The following EFNA5 variants were observed in gnomAD, a reference collection of about 807,000 sequenced individuals.
EFNA5 encodes the protein ephrin-A5.
A neutral mutation model predicts 22.9 loss-of-function variants in EFNA5; 5 were observed. The observed-to-expected ratio is 0.22, with a 90% confidence interval of 0.11 to 0.46. EFNA5 has a LOEUF of 0.46. EFNA5 is among the 20% of genes least tolerant of loss of function. The probability of loss-of-function intolerance (pLI) is 0.99; values close to 1 mark genes in which losing one functional copy is unlikely to be tolerated. For synonymous variants in EFNA5, 113 were observed against 112.2 expected (o/e 1.01, Z -0.04); for missense variants, 237 against 293.3 (o/e 0.81, Z 1.40).
chr5:107,484,735 T>G (rs537898637), intron 1 of EFNA5, among the ~76,000 whole-genome samples: 105 of 152,042 alleles, frequency 6.9e-4, no homozygotes, highest in Non-Finnish European at 1.2e-3. Flanking sequence ...TATCTAACAC[T>G]CAGGGTACCT....
intron 1 of EFNA5, among the ~76,000 whole-genome samples, chr5:107,604,034 T>C (rs1042119287): frequency 1.3e-5 from 2 of 152,196 alleles, no homozygotes; most frequent in Non-Finnish European, 2.9e-5. Context: ...AGGTACTCCT[T>C]TTTCAAGGTG....
At chr5:107,569,552 T>C (rs1392106028) in intron 1 of EFNA5, among the ~76,000 whole-genome samples, 2 of 119,116 alleles carry the variant, frequency 1.7e-5, no homozygotes, top group Non-Finnish European at 3.6e-5. Context: ...TGTGTGTATA[T>C]ATATATTTAT....
chr5:107,638,856 A>G (rs1214809524), intron 1 of EFNA5, among the ~76,000 whole-genome samples: 1 of 152,204 alleles, frequency 6.6e-6, no homozygotes, highest in African/African-American at 2.4e-5. Flanking sequence ...ACACAAAAAA[A>G]TAAGTATGTG....
At chr5:107,395,889 T>C (rs1163908500) in intron 2 of EFNA5, among the ~76,000 whole-genome samples, 1 of 152,184 alleles carries the variant, frequency 6.6e-6, no homozygotes, top group Non-Finnish European at 1.5e-5. Context: ...GCAGAATTCC[T>C]AGAATCCCAC....
intron 1 of EFNA5, among the ~76,000 whole-genome samples, chr5:107,484,691 A>T (rs1346647738): frequency 6.6e-6 from 1 of 152,206 alleles, no homozygotes; most frequent in Non-Finnish European, 1.5e-5. Context: ...AATTAATTAA[A>T]TAGGATGGTG....
chr5:107,453,099 C>A (rs905264584), intron 1 of EFNA5, among the ~76,000 whole-genome samples: 1 of 152,052 alleles, frequency 6.6e-6, no homozygotes, highest in African/African-American at 2.4e-5. Context: ...AATAACAATA[C>A]ACTATTTAAC....
intron 1 of EFNA5, among the ~76,000 whole-genome samples, chr5:107,663,829 C>T (rs368733018): frequency 1.3e-5 from 2 of 152,022 alleles, no homozygotes; most frequent in East Asian, 1.9e-4. Context: ...ATCATTCAAA[C>T]GTATTTTTAT....
intron 1 of EFNA5, among the ~76,000 whole-genome samples, chr5:107,610,224 C>G (rs1580558877): frequency 6.6e-6 from 1 of 152,362 alleles, no homozygotes; most frequent in African/African-American, 2.4e-5. Flanking sequence ...AATTACACTT[C>G]TTTACGCATC....
intron 1 of EFNA5, among the ~76,000 whole-genome samples, chr5:107,641,021 TAGACAGAC>T (rs1554070907): frequency 6.0e-4 from 67 of 112,022 alleles, no homozygotes; most frequent in African/African-American, 2.0e-3. Context: ...GATAGATAGA[TAGACAGAC>T]AGACAGACAG....
At chr5:107,399,673 T>C (rs572951449) in intron 2 of EFNA5, among the ~76,000 whole-genome samples, 1 of 152,284 alleles carries the variant, frequency 6.6e-6, no homozygotes, top group African/African-American at 2.4e-5. Flanking sequence ...CAGAGAAACC[T>C]CTCAGCAAGT....
At chr5:107,462,655 T>C (rs572498061) in intron 1 of EFNA5, among the ~76,000 whole-genome samples, 1 of 152,228 alleles carries the variant, frequency 6.6e-6, no homozygotes, top group East Asian at 1.9e-4. Flanking sequence ...AGATTAGAGA[T>C]GAAAACACCT....
chr5:107,520,336 T>G (rs990659801), intron 1 of EFNA5, among the ~76,000 whole-genome samples: 1 of 152,022 alleles, frequency 6.6e-6, no homozygotes, highest in African/African-American at 2.4e-5. Flanking sequence ...CTCAATACAA[T>G]AAAGTCCTCT....
chr5:107,457,918 T>G (rs1314274315), intron 1 of EFNA5, among the ~76,000 whole-genome samples: 2 of 152,148 alleles, frequency 1.3e-5, no homozygotes, highest in African/African-American at 4.8e-5. Flanking sequence ...CTCTAAGAAG[T>G]GGGTGTTGTT....
rs558922760 is a variant in EFNA5 at position 107,604,740 on chromosome 5, G to A, written c.125+65749C>T. Among the ~76,000 whole-genome samples the A allele has an allele frequency of 2.0e-4, 30 of 152,256 alleles. No individual in the cohort carries two copies. In the South Asian group the frequency reaches 6.2e-3, roughly 32 times the overall value. On this transcript the variant is annotated intron_variant, in intron 1 of 4. Coordinates refer to ENST00000333274, the MANE Select transcript of EFNA5 (RefSeq NM_001962.3). ...TTAAAATAGAGGCAGAATGTCAGTGGCAGGAGTTGGCATGTGTACGAAATG... is the reference window on the plus strand; with the variant it reads ...TTAAAATAGAGGCAGAATGTCAGTGACAGGAGTTGGCATGTGTACGAAATG...
chr5:107,415,169 G>C (rs1420285348), intron 2 of EFNA5, among the ~76,000 whole-genome samples: 3 of 151,766 alleles, frequency 2.0e-5, no homozygotes, highest in African/African-American at 7.3e-5. Context: ...GATAAAGTAT[G>C]GATGAGATTA....
At chr5:107,646,156 T>C (rs923697770) in intron 1 of EFNA5, among the ~76,000 whole-genome samples, 8 of 152,062 alleles carry the variant, frequency 5.3e-5, no homozygotes, top group African/African-American at 1.9e-4. Context: ...AGGAAAAGAG[T>C]ACGCAGTTGC....
At chr5:107,584,369 G>T (rs1002948023) in intron 1 of EFNA5, among the ~76,000 whole-genome samples, 1 of 152,156 alleles carries the variant, frequency 6.6e-6, no homozygotes, top group East Asian at 1.9e-4. Flanking sequence ...ACCCCATTTT[G>T]ATGTCCACAC....
chr5:107,530,407 G>GTAA (rs1241027063), intron 1 of EFNA5, among the ~76,000 whole-genome samples: 1 of 152,190 alleles, frequency 6.6e-6, no homozygotes, highest in African/African-American at 2.4e-5. Context: ...GTGGGGGAGT[G>GTAA]TAATTCAACT....
chr5:107,647,545 G>A (rs1335834410), intron 1 of EFNA5, among the ~76,000 whole-genome samples: 1 of 152,010 alleles, frequency 6.6e-6, no homozygotes, highest in East Asian at 1.9e-4. Context: ...TAAAATAATG[G>A]AGAGGAATAA....
Sources: allele counts gnomAD v4.1 joint callset (sites outside exome capture counted in the v4.1 genomes callset), GRCh38; gene constraint gnomAD v4.1.1; transcripts MANE v1.5; gene names NCBI Gene and HGNC (gene_info 2026-07-23, HGNC 2026-07-21).